C10orf90: variants seen among roughly 807,000 people sequenced by gnomAD.
C10orf90 encodes chromosome 10 open reading frame 90, also known as (E2-independent) E3 ubiquitin-conjugating enzyme FATS.
In C10orf90, 56 loss-of-function variants were observed where a neutral mutation model predicts 62.5. The ratio of observed to expected loss-of-function variants is 0.90; its 90% CI spans 0.72 to 1.12. The LOEUF is 1.12. C10orf90 is among the 50% of genes most tolerant of loss of function. The pLI, the probability that C10orf90 is intolerant of heterozygous loss-of-function variation, is 0.00. For missense variants in C10orf90, 970 were observed against 880.4 expected (o/e 1.10, Z -1.29); for synonymous variants, 386 against 340.4 (o/e 1.13, Z -1.47).
intron 2 of C10orf90, among the ~76,000 whole-genome samples, chr10:126,584,340 G>A (rs187691883): frequency 9.9e-4 from 150 of 151,084 alleles, no homozygotes; most frequent in South Asian, 2.1e-4. Flanking sequence ...TTGTCCATCC[G>A]CCTACCTGTC....
intron 2 of C10orf90, chr10:126,524,890 G>A (rs1173876794): frequency 1.2e-5 from 11 of 924,676 alleles, no homozygotes; most frequent in African/African-American, 1.8e-5. Context: ...CCATCACTAT[G>A]TACTCCCTCC....
chr10:126,495,478 G>C (rs139976445), intron 4 of C10orf90, among the ~76,000 whole-genome samples: 1 of 152,262 alleles, frequency 6.6e-6, no homozygotes, highest in East Asian at 1.9e-4. Flanking sequence ...GCCCTCATGG[G>C]GCTATGACCT....
chr10:126,594,641 T>G (rs1845048193), intron 2 of C10orf90, among the ~76,000 whole-genome samples: 1 of 151,932 alleles, frequency 6.6e-6, no homozygotes, highest in African/African-American at 2.4e-5. Flanking sequence ...AACTAGAGAG[T>G]AACATGATTG....
At chr10:126,442,499 A>ATATATATATATATG (rs1171760972) in intron 7 of C10orf90, among the ~76,000 whole-genome samples, 1 of 111,888 alleles carries the variant, frequency 8.9e-6, no homozygotes, top group African/African-American at 3.6e-5. Flanking sequence ...ATATATATAT[A>ATATATATATATATG]TATATATATC....
chr10:126,623,781 C>T (rs1028165340), intron 2 of C10orf90, among the ~76,000 whole-genome samples: 2 of 145,374 alleles, frequency 1.4e-5, no homozygotes, highest in Non-Finnish European at 3.0e-5. Context: ...GCAGAGGTTG[C>T]AGTGAGCAGA....
At chr10:126,491,517 A>C (rs1861772844) in intron 4 of C10orf90, among the ~76,000 whole-genome samples, 1 of 152,206 alleles carries the variant, frequency 6.6e-6, no homozygotes, top group Non-Finnish European at 1.5e-5. Context: ...ATAAAATTAA[A>C]ATTTGGAAAA....
chr10:126,550,932 T>C (rs941719400), intron 2 of C10orf90, among the ~76,000 whole-genome samples: 3 of 152,244 alleles, frequency 2.0e-5, no homozygotes, highest in African/African-American at 7.2e-5. Context: ...TGTGCCTCTC[T>C]TCTGTGTTTT....
chr10:126,643,727 A>G (rs991432045), intron 2 of C10orf90, among the ~76,000 whole-genome samples: 4 of 152,196 alleles, frequency 2.6e-5, no homozygotes, highest in Non-Finnish European at 4.4e-5. Context: ...TGTCTACAAT[A>G]GTGGGTTTCT....
intron 2 of C10orf90, among the ~76,000 whole-genome samples, chr10:126,525,323 G>A (rs556433657): frequency 1.2e-4 from 18 of 152,286 alleles, no homozygotes; most frequent in Middle Eastern, 3.4e-3. Context: ...AGATTCTTTC[G>A]TTAACAGACA....
chr10:126,507,332 GGGT>G (rs1474326131), intron 3 of C10orf90, among the ~76,000 whole-genome samples: 1 of 145,584 alleles, frequency 6.9e-6, no homozygotes, highest in African/African-American at 2.6e-5. Context: ...ACTCCAGCCT[GGGT>G]GACAGAGCGA....
At chr10:126,502,972 T>A in intron 4 of C10orf90, 1 of 236,812 alleles carries the variant, frequency 4.2e-6, no homozygotes, top group East Asian at 1.3e-4. Context: ...TCTATACACA[T>A]TATAACTTTA....
intron 2 of C10orf90, among the ~76,000 whole-genome samples, chr10:126,621,067 C>G (rs1845634813): frequency 6.6e-6 from 1 of 151,898 alleles, no homozygotes; most frequent in African/African-American, 2.4e-5. Flanking sequence ...TAACCTTTTC[C>G]CTGCTATTAA....
intron 6 of C10orf90, among the ~76,000 whole-genome samples, chr10:126,459,711 C>T (rs982343897): frequency 1.3e-5 from 2 of 152,176 alleles, no homozygotes; most frequent in Non-Finnish European, 2.9e-5. Context: ...ACCACAACTG[C>T]GGCTGAAGGA....
intron 2 of C10orf90, among the ~76,000 whole-genome samples, chr10:126,590,764 A>G (rs1180652506): frequency 1.3e-5 from 2 of 152,130 alleles, no homozygotes; most frequent in Non-Finnish European, 2.9e-5. Flanking sequence ...CTAACATTAC[A>G]ACTAAAAGAA....
intron 2 of C10orf90, among the ~76,000 whole-genome samples, chr10:126,638,088 C>CA (rs973326773): frequency 1.5e-4 from 23 of 152,322 alleles, no homozygotes; most frequent in African/African-American, 5.3e-4. Context: ...TCGTTGCTGA[C>CA]ATGGAACAGC....
At chr10:126,451,278 A>G (rs1397752922) in intron 7 of C10orf90, among the ~76,000 whole-genome samples, 2 of 152,214 alleles carry the variant, frequency 1.3e-5, no homozygotes, top group African/African-American at 4.8e-5. Flanking sequence ...AACAGTATGG[A>G]TATTCCTCAA....
At chr10:126,534,848 G>C (rs1864191752) in intron 2 of C10orf90, among the ~76,000 whole-genome samples, 1 of 152,078 alleles carries the variant, frequency 6.6e-6, no homozygotes, top group African/African-American at 2.4e-5. Context: ...ACAGACCTGC[G>C]AGCTCTGCAC....
intron 2 of C10orf90, among the ~76,000 whole-genome samples, chr10:126,613,219 A>G (rs921928636): frequency 2.6e-5 from 4 of 151,854 alleles, no homozygotes; most frequent in Non-Finnish European, 5.9e-5. Flanking sequence ...ATTTTCTTTT[A>G]TTTTGGTTTT....
intron 2 of C10orf90, among the ~76,000 whole-genome samples, chr10:126,615,562 T>A (rs911468920): frequency 1.1e-4 from 16 of 152,246 alleles, no homozygotes; most frequent in African/African-American, 3.9e-4. Context: ...CTCATACTTT[T>A]AATTTTCTTA....
Sources: gnomAD v4.1 joint callset for allele counts (sites outside exome capture counted in the v4.1 genomes callset) on GRCh38, gnomAD v4.1.1 for gene constraint, MANE v1.5 for transcripts, NCBI Gene and HGNC (gene_info 2026-07-23, HGNC 2026-07-21) for gene names.